SNX29: variants seen among roughly 807,000 people sequenced by gnomAD.
SNX29 encodes the protein sorting nexin-29.
Under a neutral mutation model 102.1 loss-of-function variants are expected in SNX29, and 78 were observed. The observed-to-expected ratio is 0.76, with a 90% CI of 0.64 to 0.92. The LOEUF (loss-of-function observed/expected upper bound fraction) is 0.92, where lower values mean the gene tolerates loss of function less well. Among genes scored for constraint, SNX29 ranks in the 40% least tolerant of loss-of-function variants. The pLI is 0.00. For missense variants in SNX29, 1,280 were observed against 1,061.7 expected, an observed-to-expected ratio of 1.21 and a Z score of -2.86; for synonymous variants, 580 against 414.5, an observed-to-expected ratio of 1.40 and a Z score of -4.85.
At chr16:12,451,322 T>G (rs1437220616) in intron 18 of SNX29, among the ~76,000 whole-genome samples, 2 of 152,198 alleles carry the variant, frequency 1.3e-5, no homozygotes, top group Non-Finnish European at 2.9e-5. Flanking sequence ...AAGTTTATGT[T>G]TCGTCTCCTT....
chr16:12,147,363 A>T (rs1813863446), intron 13 of SNX29, among the ~76,000 whole-genome samples: 1 of 152,248 alleles, frequency 6.6e-6, no homozygotes, highest in South Asian at 2.1e-4. Context: ...ACCAAAACCC[A>T]TAAATATGAC....
chr16:12,319,225 T>C (rs1056868774), intron 15 of SNX29, among the ~76,000 whole-genome samples: 15 of 152,172 alleles, frequency 9.9e-5, no homozygotes, highest in East Asian at 7.7e-4. Flanking sequence ...ACAATTGTTA[T>C]AGAGGCCTGT....
At chr16:12,066,897 A>G (rs1410120834) in intron 9 of SNX29, among the ~76,000 whole-genome samples, 1 of 151,788 alleles carries the variant, frequency 6.6e-6, no homozygotes, top group Non-Finnish European at 1.5e-5. Flanking sequence ...TTAAGATGTA[A>G]CATTCGGGAG....
At chr16:12,134,338 C>T (rs1446273444) in intron 13 of SNX29, among the ~76,000 whole-genome samples, 1 of 152,156 alleles carries the variant, frequency 6.6e-6, no homozygotes, top group African/African-American at 2.4e-5. Context: ...CCCACAATTT[C>T]TGTGAATTAG....
chr16:12,431,758 G>T (rs78538934), intron 18 of SNX29, among the ~76,000 whole-genome samples: 1,950 of 152,304 alleles, frequency 0.013, 51 homozygotes, highest in African/African-American at 0.044. Context: ...CATCTTCTGA[G>T]CTGTTACCTA....
At chr16:12,104,077 G>A (rs762222724) in intron 11 of SNX29, among the ~76,000 whole-genome samples, 1 of 152,214 alleles carries the variant, frequency 6.6e-6, no homozygotes, top group Non-Finnish European at 1.5e-5. Context: ...AGCAGAAAAA[G>A]TCAGAGTTTG....
At chr16:12,194,662 T>C (rs2076725927) in intron 13 of SNX29, among the ~76,000 whole-genome samples, 1 of 149,368 alleles carries the variant, frequency 6.7e-6, no homozygotes, top group Admixed American at 6.7e-5. Context: ...TCGCAGACTC[T>C]GTCACCTAGG....
At chr16:12,336,253 A>G (rs1193260354) in intron 15 of SNX29, among the ~76,000 whole-genome samples, 2 of 152,184 alleles carry the variant, frequency 1.3e-5, no homozygotes, top group East Asian at 3.8e-4. Flanking sequence ...GCTCACTGTA[A>G]CACAGTTAAA....
chr16:12,309,110 T>C (rs762812388), intron 15 of SNX29, among the ~76,000 whole-genome samples: 1 of 152,194 alleles, frequency 6.6e-6, no homozygotes, highest in Non-Finnish European at 1.5e-5. Context: ...TTCGGAGTTA[T>C]TTGGGGGTTC....
At position 12,377,658 on chromosome 16, in the gene SNX29, T is replaced by C. The variant is rs147385513; in HGVS notation, c.1900-20788T>C. 2.2e-3 allele frequency among the ~76,000 whole-genome samples: 342 copies of C among 152,240 alleles called. 1 individual carries two copies. Among genetic ancestry groups the C allele is most frequent in the African/African-American group, 7.7e-3 (318 of 41,530 alleles). ...GTAGTAGGCAATCAACAGATAGTAG[T>C]GCTGATGGTGGTTACGGTGGTGATG... On this transcript the variant is annotated intron_variant, in intron 16 of 20. Coordinates refer to ENST00000566228, the MANE Select transcript of SNX29 (RefSeq NM_032167.5).
chr16:12,302,284 A>G (rs2080197851), intron 15 of SNX29, among the ~76,000 whole-genome samples: 1 of 152,206 alleles, frequency 6.6e-6, no homozygotes. Context: ...TCCAAAAAGT[A>G]AAAGTCAGTT....
At chr16:12,426,350 C>T (rs551392884) in intron 18 of SNX29, among the ~76,000 whole-genome samples, 37 of 152,278 alleles carry the variant, frequency 2.4e-4, no homozygotes, top group African/African-American at 8.2e-4. Context: ...GGGTAAGAGA[C>T]AGTGGCAGGC....
At chr16:12,022,830 T>C (rs1258207041) in intron 3 of SNX29, among the ~76,000 whole-genome samples, 1 of 152,092 alleles carries the variant, frequency 6.6e-6, no homozygotes, top group African/African-American at 2.4e-5. Flanking sequence ...TGGATGTGGC[T>C]TCCTTCCTCT....
At chr16:12,555,125 G>A (rs1457419170) in intron 20 of SNX29, among the ~76,000 whole-genome samples, 2 of 117,938 alleles carry the variant, frequency 1.7e-5, no homozygotes, top group Non-Finnish European at 4.5e-5. Context: ...AGTATCAAAA[G>A]GCTTATTCTC....
intron 13 of SNX29, among the ~76,000 whole-genome samples, chr16:12,198,490 C>G (rs1352028011): frequency 6.6e-6 from 1 of 152,126 alleles, no homozygotes; most frequent in Non-Finnish European, 1.5e-5. Flanking sequence ...AAAACCCAGT[C>G]TTCAGCTCTT....
At chr16:12,032,496 G>A (rs1412880888) in intron 4 of SNX29, among the ~76,000 whole-genome samples, 2 of 151,948 alleles carry the variant, frequency 1.3e-5, no homozygotes, top group African/African-American at 4.8e-5. Flanking sequence ...ATGAGCAACC[G>A]CGCCTGGCCC....
At chr16:12,525,410 C>T (rs888323250) in intron 20 of SNX29, among the ~76,000 whole-genome samples, 12 of 152,090 alleles carry the variant, frequency 7.9e-5, no homozygotes, top group South Asian at 2.1e-4. Context: ...CGGTGGCTCA[C>T]GCCTGTAATC....
chr16:12,534,909 T>C (rs1170736555), intron 20 of SNX29, among the ~76,000 whole-genome samples: 4 of 152,166 alleles, frequency 2.6e-5, no homozygotes, highest in Non-Finnish European at 5.9e-5. Flanking sequence ...GCAAGGGATG[T>C]ACTGAGCATC....
In SNX29 at chr16:12,046,387, T is replaced by C. The variant is rs199550971; in HGVS notation, c.432T>C (p.Thr144=). Residue 144 remains threonine, a synonymous_variant, in exon 6 of 21, where the codon ACT becomes ACC. Transcript: ENST00000566228. ...CCTTTTCTCTTTCAATCTGCAGCAC[T>C]TTTTATGAAGACTGGTCTTTTGTGA... ...MLLADRCRLS[T]FYEDWSFVMD... The C allele has an allele frequency of 1.3e-4, 217 of 1,613,650 alleles. 1 individual carries two copies. The highest frequency in any genetic ancestry group is 7.7e-4 in the South Asian group (70 of 91,064).
Sources: gnomAD v4.1 joint callset for allele counts (sites outside exome capture counted in the v4.1 genomes callset) on GRCh38, gnomAD v4.1.1 for gene constraint, MANE v1.5 for transcripts, NCBI Gene and HGNC (gene_info 2026-07-23, HGNC 2026-07-21) for gene names.